The following ANKRD11 variants were observed in gnomAD, a reference collection of about 807,000 sequenced individuals.
ANKRD11 encodes the protein ankyrin repeat domain 11.
A neutral mutation model predicts 195.7 loss-of-function variants in ANKRD11; 17 were observed. That is an observed-to-expected ratio of 0.09 (90% CI 0.06 to 0.13). The LOEUF is 0.13. Among genes scored for constraint, ANKRD11 ranks in the 10% least tolerant of loss-of-function variants. ANKRD11 has a pLI of 1.00. For missense variants in ANKRD11, 3,735 were observed against 3,566.1 expected (o/e 1.05, Z -1.21); for synonymous variants, 1,953 against 1,528.1 (o/e 1.28, Z -6.49).
chr16:89,384,873 AGTTTT>A (rs2040828494), intron 2 of ANKRD11, among the ~76,000 whole-genome samples: 2 of 86,384 alleles, frequency 2.3e-5, no homozygotes, highest in Admixed American at 1.3e-4. Context: ...AATGAGAAAT[AGTTTT>A]CTTTTTTTTT....
chr16:89,427,042 A>C (rs1001418613), intron 1 of ANKRD11, among the ~76,000 whole-genome samples: 2 of 152,126 alleles, frequency 1.3e-5, no homozygotes, highest in African/African-American at 4.8e-5. Context: ...CAAGGTCTTC[A>C]GTCAGTCAGT....
rs372041087 is a variant in ANKRD11, at chr16:89,280,989, G to A, written c.5553C>T (p.Tyr1851=). The change falls in exon 9 of 13, where the codon TAC becomes TAT. Residue 1851 remains tyrosine, a synonymous_variant. Transcript: ENST00000301030. ...GCGACGGGAGGCCATAGTCTGGGGA[G>A]TAGTACCCTGGCGACAAGCAGGCAA... is the stretch of plus-strand genomic sequence containing the variant. ...EKFACLSPGY[Y]SPDYGLPSPK... 4.7e-5 allele frequency: 74 copies of A among 1,579,962 alleles called. No individual in the cohort carries two copies. In the African/African-American group the frequency reaches 8.5e-4, roughly 18 times the overall value.
intron 2 of ANKRD11, among the ~76,000 whole-genome samples, chr16:89,335,602 CT>C (rs1206441597): frequency 2.0e-5 from 3 of 152,166 alleles, no homozygotes; most frequent in African/African-American, 7.2e-5. Flanking sequence ...GGCAGGGAAC[CT>C]TTGGTTTGCA....
Position 89,450,923 on chromosome 16 carries a change from T to C in ANKRD11, c.-144-32555A>G, listed in dbSNP as rs972099135. Among the ~76,000 whole-genome samples the C allele has an allele frequency of 7.9e-5, 12 of 152,320 alleles. 1 individual carries two copies. The highest frequency in any genetic ancestry group is 2.4e-4 in the African/African-American group (10 of 41,564). ...CCACGTGGCCCAATCCTGGTTTCCATGGGAAGACCAGCTGGCTCACCACCC... is the reference window on the plus strand; with the variant it reads ...CCACGTGGCCCAATCCTGGTTTCCACGGGAAGACCAGCTGGCTCACCACCC... On this transcript the variant is annotated intron_variant, in intron 1 of 12. Transcript: ENST00000301030.
chr16:89,275,416 G>A (rs184754111), intron 9 of ANKRD11, among the ~76,000 whole-genome samples: 66 of 152,370 alleles, frequency 4.3e-4, no homozygotes, highest in Admixed American at 1.3e-3. Context: ...ACAGCACCAC[G>A]CAGTGAGGAG....
intron 2 of ANKRD11, among the ~76,000 whole-genome samples, chr16:89,325,684 T>C (rs531841220): frequency 6.6e-6 from 1 of 152,276 alleles, no homozygotes; most frequent in African/African-American, 2.4e-5. Context: ...GGCGTTTGCT[T>C]TGTGGTCTGC....
At chr16:89,371,909 C>T (rs2040209581) in intron 2 of ANKRD11, among the ~76,000 whole-genome samples, 2 of 152,228 alleles carry the variant, frequency 1.3e-5, no homozygotes, top group African/African-American at 4.8e-5. Flanking sequence ...TCAAGAGGAA[C>T]TCTACTGACT....
At position 89,280,302 on chromosome 16, in the gene ANKRD11, G is replaced by A. The variant is rs964677240; in HGVS notation, c.6240C>T (p.Ala2080=). The change falls in exon 9 of 13, where the codon GCC becomes GCT. Residue 2080 remains alanine, a synonymous_variant. Coordinates refer to ENST00000301030, the MANE Select transcript of ANKRD11 (RefSeq NM_013275.6). ...CAGCGGCTACACAGGCGGGCTCGGG[G>A]GCCACGTCCAGCGGGGCTTCCGGAA... ...KSLPEAPLDV[A]PEPACVAAVA... is the part of the protein sequence containing the mutation. 3 of 1,595,690 alleles carry A rather than the reference G, an allele frequency of 1.9e-6. No homozygotes were observed. The African/African-American group carries it at 4.0e-5, about 21-fold the overall frequency.
intron 4 of ANKRD11, among the ~76,000 whole-genome samples, chr16:89,294,559 C>T (rs2035288310): frequency 6.6e-6 from 1 of 152,176 alleles, no homozygotes; most frequent in Admixed American, 6.5e-5. Context: ...AGACACTGGC[C>T]ACTCCAGTGG....
At chr16:89,407,623 C>T (rs1470885933) in intron 2 of ANKRD11, among the ~76,000 whole-genome samples, 1 of 152,162 alleles carries the variant, frequency 6.6e-6, no homozygotes, top group African/African-American at 2.4e-5. Context: ...GAGTTCAAGA[C>T]CAGCCTGAGT....
At chr16:89,466,600 C>G (rs1254868979) in intron 1 of ANKRD11, among the ~76,000 whole-genome samples, 1 of 151,992 alleles carries the variant, frequency 6.6e-6, no homozygotes, top group Admixed American at 6.6e-5. Context: ...AAATACAAGC[C>G]TCAGAAAACG....
At chr16:89,404,530 G>A (rs1176342731) in intron 2 of ANKRD11, among the ~76,000 whole-genome samples, 1 of 152,196 alleles carries the variant, frequency 6.6e-6, no homozygotes, top group East Asian at 1.9e-4. Context: ...GAAGGGTATG[G>A]GGTAAAGAGA....
chr16:89,489,512 G>A (rs1384881496), intron 1 of ANKRD11, among the ~76,000 whole-genome samples: 2 of 146,458 alleles, frequency 1.4e-5, no homozygotes, highest in East Asian at 2.1e-4. Flanking sequence ...CAGGTCCCCA[G>A]TTCGCCCTCC....
At chr16:89,486,812 C>T (rs1404069660) in intron 1 of ANKRD11, among the ~76,000 whole-genome samples, 1 of 152,008 alleles carries the variant, frequency 6.6e-6, no homozygotes, top group Non-Finnish European at 1.5e-5. Context: ...TTGAAACCAG[C>T]CTGGCCAACA....
At chr16:89,347,896 C>T (rs1460250928) in intron 2 of ANKRD11, among the ~76,000 whole-genome samples, 2 of 151,724 alleles carry the variant, frequency 1.3e-5, no homozygotes, top group East Asian at 3.9e-4. Context: ...CCCTTCTGTT[C>T]TTACTTTGCA....
rs1197366650 is a variant in ANKRD11, at chr16:89,280,974, G to A, written c.5568C>T (p.Gly1856=). 2 of 1,571,910 alleles carry A rather than the reference G, an allele frequency of 1.3e-6. No homozygotes were observed. The highest frequency in any genetic ancestry group is 8.6e-7 in the Non-Finnish European group (1 of 1,156,424). ...AAGCGTCGACTTTGGGCGACGGGAG[G>A]CCATAGTCTGGGGAGTAGTACCCTG... The part of the protein sequence containing the change: ...LSPGYYSPDY[G]LPSPKVDALH... Residue 1856 remains glycine (G), a synonymous_variant, in exon 9 of 13, where the codon GGC becomes GGT. Coordinates refer to ENST00000301030, the MANE Select transcript of ANKRD11 (RefSeq NM_013275.6).
intron 2 of ANKRD11, among the ~76,000 whole-genome samples, chr16:89,410,164 G>A (rs558929563): frequency 9.1e-4 from 138 of 152,140 alleles, no homozygotes; most frequent in Non-Finnish European, 8.2e-4. Flanking sequence ...AACACAGTTT[G>A]CTGTTCAGCT....
At chr16:89,414,093 C>T (rs1311120404) in intron 2 of ANKRD11, among the ~76,000 whole-genome samples, 1 of 152,208 alleles carries the variant, frequency 6.6e-6, no homozygotes, top group Non-Finnish European at 1.5e-5. Context: ...GCTCGGACTG[C>T]GCACTCGGGG....
intron 4 of ANKRD11, chr16:89,300,329 G>T (rs1394855873): frequency 4.8e-6 from 1 of 209,184 alleles, no homozygotes. Context: ...CCCCACACAC[G>T]TGAGTGCCTT....
Sources: allele counts gnomAD v4.1 joint callset (sites outside exome capture counted in the v4.1 genomes callset), GRCh38; gene constraint gnomAD v4.1.1; transcripts MANE v1.5; gene names NCBI Gene and HGNC (gene_info 2026-07-23, HGNC 2026-07-21).